The following RIC1 variants were observed in gnomAD, a reference collection of about 807,000 sequenced individuals.
The protein encoded by RIC1 is RIC1 partner of RAB6A GEF complex, also known as guanine nucleotide exchange factor subunit RIC1.
RIC1 carries 88 observed loss-of-function variants against 169.0 expected under a neutral mutation model. The ratio of observed to expected loss-of-function variants is 0.52; its 90% CI spans 0.44 to 0.62. The LOEUF is 0.62. RIC1 is among the 20% of genes least tolerant of loss of function. The probability of loss-of-function intolerance (pLI) is 0.00; values close to 1 mark genes in which losing one functional copy is unlikely to be tolerated. For synonymous variants in RIC1, 790 were observed against 601.5 expected (o/e 1.31, Z -4.59); for missense variants, 1,877 against 1,725.5 (o/e 1.09, Z -1.56).
chr9:5,646,620 G>A (rs1818529500), intron 1 of RIC1, among the ~76,000 whole-genome samples: 1 of 152,102 alleles, frequency 6.6e-6, no homozygotes, highest in South Asian at 2.1e-4. Context: ...AAGGTGTGTA[G>A]TAGGCCATAA....
rs554530071 is a variant in RIC1, at chr9:5,774,204, A to G, written c.4230A>G (p.Glu1410=). 12 of 1,613,676 alleles carry G rather than the reference A, an allele frequency of 7.4e-6. No homozygotes were observed. Among genetic ancestry groups the G allele is most frequent in the East Asian group, 2.2e-5 (1 of 44,870 alleles). Residue 1410 remains glutamate, a synonymous_variant, in exon 26 of 26, where the codon GAA becomes GAG. Coordinates refer to ENST00000414202, the MANE Select transcript of RIC1 (RefSeq NM_020829.4). ...AGGACACAGCCCAAGCAGAGGAGGA[A>G]GAACCTTTTCAGGATGGGACTTACG... is the stretch of plus-strand genomic sequence containing the variant. ...KEEDTAQAEE[E]EPFQDGTYDC... is the part of the protein sequence containing the mutation.
At chr9:5,658,453 CAG>C (rs1819243401) in intron 2 of RIC1, among the ~76,000 whole-genome samples, 3 of 151,974 alleles carry the variant, frequency 2.0e-5, no homozygotes, top group Non-Finnish European at 2.9e-5. Context: ...GATAAATTGA[CAG>C]ATGTTATAAT....
At chr9:5,680,785 T>C (rs1048607399) in intron 2 of RIC1, among the ~76,000 whole-genome samples, 1 of 150,240 alleles carries the variant, frequency 6.7e-6, no homozygotes, top group Non-Finnish European at 1.5e-5. Flanking sequence ...TTTGTTGATC[T>C]TTCCAGAACA....
intron 2 of RIC1, among the ~76,000 whole-genome samples, chr9:5,682,118 C>T (rs1170443124): frequency 3.9e-5 from 6 of 152,144 alleles, no homozygotes; most frequent in Non-Finnish European, 7.3e-5. Flanking sequence ...ATCCAATTTG[C>T]CAGTCTGTGT....
At chr9:5,761,138 G>C (rs1036462010) in intron 17 of RIC1, among the ~76,000 whole-genome samples, 5 of 122,572 alleles carry the variant, frequency 4.1e-5, no homozygotes, top group African/African-American at 1.6e-4. Flanking sequence ...TTTTGAGACG[G>C]AGTCTTGCTC....
At chr9:5,768,666 C>T (rs1826969939) in intron 21 of RIC1, among the ~76,000 whole-genome samples, 1 of 152,148 alleles carries the variant, frequency 6.6e-6, no homozygotes, top group South Asian at 2.1e-4. Flanking sequence ...TCAAATATAG[C>T]ATAGAGGTTT....
intron 2 of RIC1, among the ~76,000 whole-genome samples, chr9:5,674,014 G>A (rs960511965): frequency 2.6e-5 from 4 of 152,166 alleles, no homozygotes; most frequent in South Asian, 4.1e-4. Flanking sequence ...AACTGTGCTC[G>A]TCATAACCAG....
intron 2 of RIC1, among the ~76,000 whole-genome samples, chr9:5,675,285 GGGAACGAGTCAGGGTGGAGTAGGTAATC>G (rs1820374588): frequency 6.6e-6 from 1 of 152,130 alleles, no homozygotes; most frequent in Non-Finnish European, 1.5e-5. Context: ...AGCAGGTAAT[GGGAACGAGTCAGGGTGGAGTAGGTAATC>G]GGAATGAGTC....
intron 1 of RIC1, among the ~76,000 whole-genome samples, chr9:5,655,029 A>G (rs928600797): frequency 1.3e-5 from 2 of 152,144 alleles, no homozygotes; most frequent in Non-Finnish European, 2.9e-5. Flanking sequence ...ATCTATGAGT[A>G]AAGACAGTTT....
intron 1 of RIC1, among the ~76,000 whole-genome samples, chr9:5,640,261 C>G (rs756533547): frequency 6.6e-6 from 1 of 152,076 alleles, no homozygotes; most frequent in Non-Finnish European, 1.5e-5. Context: ...TACTGTGAGA[C>G]TTGCAAGTAC....
At chr9:5,647,779 C>T (rs1036325345) in intron 1 of RIC1, among the ~76,000 whole-genome samples, 5 of 152,204 alleles carry the variant, frequency 3.3e-5, no homozygotes, top group African/African-American at 7.2e-5. Flanking sequence ...TTAGGTATTA[C>T]GTTGAATGGA....
At chr9:5,762,098 T>C (rs1268142435) in intron 17 of RIC1, among the ~76,000 whole-genome samples, 1 of 152,224 alleles carries the variant, frequency 6.6e-6, no homozygotes, top group Non-Finnish European at 1.5e-5. Context: ...CTAGCCAGAC[T>C]GTTCTCACTT....
intron 21 of RIC1, among the ~76,000 whole-genome samples, chr9:5,767,214 T>G (rs577414213): frequency 1.3e-5 from 2 of 152,226 alleles, no homozygotes; most frequent in Non-Finnish European, 2.9e-5. Flanking sequence ...TTAGTGCTAA[T>G]GCATTTGACA....
intron 4 of RIC1, chr9:5,718,944 G>A (rs921573742): frequency 9.9e-5 from 15 of 152,042 alleles, no homozygotes; most frequent in African/African-American, 3.6e-4. Context: ...AGAATTAAAG[G>A]TTTAGTTTAA....
intron 25 of RIC1, 94 bp downstream of exon 25, chr9:5,773,174 C>A (rs1007324635): frequency 7.9e-6 from 4 of 506,998 alleles, no homozygotes; most frequent in African/African-American, 6.0e-5. Context: ...TCATGTGTTA[C>A]ATTTTATTTA....
At chr9:5,750,538 C>T (rs548705905) in intron 12 of RIC1, among the ~76,000 whole-genome samples, 13 of 152,004 alleles carry the variant, frequency 8.6e-5, no homozygotes, top group South Asian at 6.2e-4. Flanking sequence ...AGGAGGATGG[C>T]TCCCACAGTC....
At chr9:5,749,866 C>A (rs1334145273) in intron 12 of RIC1, among the ~76,000 whole-genome samples, 1 of 148,784 alleles carries the variant, frequency 6.7e-6, no homozygotes, top group Non-Finnish European at 1.5e-5. Flanking sequence ...GCAACCTCCA[C>A]CTCCAGGGTT....
intron 2 of RIC1, 95 bp from the exon 3 acceptor site, chr9:5,689,864 A>AT: frequency 1.2e-5 from 10 of 808,620 alleles, no homozygotes; most frequent in Middle Eastern, 3.4e-4. Context: ...TGGAGAATAA[A>AT]TTTTTTTTCG....
intron 17 of RIC1, among the ~76,000 whole-genome samples, chr9:5,759,279 T>C (rs1826194103): frequency 6.6e-6 from 1 of 152,228 alleles, no homozygotes; most frequent in African/African-American, 2.4e-5. Context: ...GGTATGCTTC[T>C]TGAGGTGATA....
Sources: allele counts gnomAD v4.1 joint callset (sites outside exome capture counted in the v4.1 genomes callset), GRCh38; gene constraint gnomAD v4.1.1; transcripts MANE v1.5; gene names NCBI Gene and HGNC (gene_info 2026-07-23, HGNC 2026-07-21).